The following CHID1 variants were observed in gnomAD, a reference collection of about 807,000 sequenced individuals.
CHID1 encodes chitinase domain-containing protein 1.
CHID1 carries 44 observed loss-of-function variants against 55.4 expected under a neutral mutation model. That is an observed-to-expected ratio of 0.79 (90% CI 0.62 to 1.02). The LOEUF is 1.02. CHID1 is among the 50% of genes least tolerant of loss of function. CHID1 has a pLI of 0.00. For synonymous variants in CHID1, 216 were observed against 212.9 expected (o/e 1.01, Z -0.13); for missense variants, 491 against 515.3 (o/e 0.95, Z 0.46).
intron 5 of CHID1, among the ~76,000 whole-genome samples, 186 bp from the exon 6 acceptor site, chr11:900,296 G>T (rs1175248115): frequency 6.6e-6 from 1 of 152,178 alleles, no homozygotes; most frequent in Non-Finnish European, 1.5e-5. Context: ...TCACAGGCTG[G>T]AGAGGGAGGG....
chr11:893,729 T>TGG (rs764902987), intron 7 of CHID1, among the ~76,000 whole-genome samples: 20 of 150,998 alleles, frequency 1.3e-4, no homozygotes, highest in Non-Finnish European at 2.7e-4. Context: ...CCCCCTAGAG[T>TGG]GGGGGCCTGT....
chr11:895,908 G>A (rs544229190), intron 7 of CHID1, among the ~76,000 whole-genome samples: 1 of 152,016 alleles, frequency 6.6e-6, no homozygotes, highest in African/African-American at 2.4e-5. Context: ...CCACCTTCCC[G>A]CAGCTCCCCA....
intron 10 of CHID1, 194 bp downstream of exon 10, chr11:882,954 G>T (rs891442107): frequency 3.4e-6 from 2 of 583,388 alleles, no homozygotes; most frequent in Non-Finnish European, 6.1e-6. Context: ...CCGTGTTATG[G>T]GTGGTGACCA....
intron 10 of CHID1, among the ~76,000 whole-genome samples, chr11:877,664 G>A (rs959131791): frequency 7.9e-5 from 12 of 152,220 alleles, no homozygotes; most frequent in African/African-American, 2.9e-4. Context: ...GGTGAAGTGT[G>A]TGATGTCTTG....
chr11:892,496 C>T lies in CHID1; in HGVS notation c.701+931G>A, dbSNP rs1400919653. 2.6e-5 allele frequency among the ~76,000 whole-genome samples: 4 copies of T among 152,234 alleles called. No individual in the cohort carries two copies. The East Asian group carries it at 7.7e-4, about 29-fold the overall frequency. On this transcript the variant is annotated intron_variant, in intron 8 of 12. Transcript: ENST00000323578. ...AGCCCCCAGGGCTCAGCTCTCAGCA[C>T]CTCTTCTGCTTTCCACTTTCCAGGG...
chr11:881,590 TCGGGCGG>T lies in CHID1; in HGVS notation c.959+1551_959+1557del, dbSNP rs1849932234. ...TTGGGTGGTGAGGGAAAGGACCACG[TCGGGCGG>T]TAGGTTGGGTGGTGAGGGAAAGGAC... On this transcript the variant is annotated intron_variant, in intron 10 of 12. Coordinates refer to ENST00000323578, the MANE Select transcript of CHID1 (RefSeq NM_023947.4). Among the ~76,000 whole-genome samples the T allele has an allele frequency of 9.3e-5, 2 of 21,508 alleles. 1 individual carries two copies. The highest frequency in any genetic ancestry group is 1.8e-4 in the Non-Finnish European group (2 of 11,054). 14.1% of individuals were successfully genotyped at this position (21,508 alleles called of 152,430 possible).
At chr11:876,954 G>A (rs2134132983) in intron 10 of CHID1, among the ~76,000 whole-genome samples, 1 of 152,274 alleles carries the variant, frequency 6.6e-6, no homozygotes, top group African/African-American at 2.4e-5. Flanking sequence ...CTGCATCCAG[G>A]CTGGAGCCTG....
rs544022036 is a variant in CHID1 at position 906,220 on chromosome 11, C to T, written c.-43-1361G>A. On this transcript the variant is annotated intron_variant, in intron 1 of 12. Transcript: ENST00000323578. ...AAAGTGCTGGGATTACAGGTGTGAG[C>T]CACTGCGCCCGGCTGTGGGACTTTT... Among the ~76,000 whole-genome samples the T allele has an allele frequency of 1.4e-3, 213 of 151,744 alleles. 1 individual carries two copies. Among genetic ancestry groups the T allele is most frequent in the Middle Eastern group, 3.5e-3 (1 of 288 alleles).
chr11:873,686 G>A (rs2134114905), intron 10 of CHID1, among the ~76,000 whole-genome samples: 1 of 152,296 alleles, frequency 6.6e-6, no homozygotes, highest in South Asian at 2.1e-4. Flanking sequence ...GAGACGGTGG[G>A]CTGGAGGTGG....
chr11:892,070 G>A (rs1850875562), intron 8 of CHID1, among the ~76,000 whole-genome samples: 1 of 151,964 alleles, frequency 6.6e-6, no homozygotes, highest in African/African-American at 2.4e-5. Context: ...AGATAAGATT[G>A]CACCACTGCA....
At chr11:894,738 C>T (rs1368947894) in intron 7 of CHID1, among the ~76,000 whole-genome samples, 1 of 152,174 alleles carries the variant, frequency 6.6e-6, no homozygotes, top group Non-Finnish European at 1.5e-5. Flanking sequence ...TCAGTGAGAA[C>T]CGGGTTAGGT....
At chr11:907,285 T>C (rs991895873) in intron 1 of CHID1, among the ~76,000 whole-genome samples, 3 of 152,096 alleles carry the variant, frequency 2.0e-5, no homozygotes, top group African/African-American at 7.2e-5. Context: ...ATCGAGACCA[T>C]CCTGGCTAAC....
At chr11:870,363 C>A in intron 11 of CHID1, 56 bp downstream of exon 11, 5 of 1,473,832 alleles carry the variant, frequency 3.4e-6, no homozygotes, top group Non-Finnish European at 4.7e-6. Flanking sequence ...TCTCCACCCC[C>A]AGGGCCCCTC....
Position 893,492 on chromosome 11 carries a change from C to A in CHID1, c.636G>T (p.Leu212Phe). The A allele has an allele frequency of 6.4e-7, 1 of 1,551,268 alleles. No homozygotes were observed. Among genetic ancestry groups the A allele is most frequent in the East Asian group, 2.4e-5 (1 of 41,222 alleles). The stretch of plus-strand genomic sequence containing the variant: ...GCCGGGCCTGGTGCAGAGCCTCGGC[C>A]AAGTGGGTGAGCATGTGGATGAGGC... ...RVGLIHMLTHLAEALHQARLL... is the reference protein window; with the variant it reads ...RVGLIHMLTHFAEALHQARLL... Residue 212 changes from leucine to phenylalanine, a missense_variant, in exon 8 of 13, where the codon TTG becomes TTT. Coordinates refer to ENST00000323578, the MANE Select transcript of CHID1 (RefSeq NM_023947.4).
chr11:870,665 C>T (rs577550266), intron 10 of CHID1, 166 bp from the exon 11 acceptor site: 11 of 602,804 alleles, frequency 1.8e-5, no homozygotes, highest in African/African-American at 1.1e-4. Flanking sequence ...AGCCCCAGGC[C>T]GTGTGAACCC....
chr11:902,906 G>T, intron 3 of CHID1, 56 bp downstream of exon 3: 1 of 1,564,224 alleles, frequency 6.4e-7, no homozygotes. Context: ...CACGGGGCCA[G>T]GGCAGCCCAC....
Position 902,315 on chromosome 11 carries a change from A to T in CHID1, c.277T>A (p.Tyr93Asn). 1 of 1,612,528 alleles carries T rather than the reference A, an allele frequency of 6.2e-7. No homozygotes were observed. Among genetic ancestry groups the T allele is most frequent in the South Asian group, 1.1e-5 (1 of 91,058 alleles). The change falls in exon 4 of 13, where the codon TAC becomes AAC. Residue 93 changes from tyrosine to asparagine, a missense_variant. Physicochemically the swap from Tyr to Asn is moderately radical, Grantham distance 143. Transcript: ENST00000323578. ...CTCCCAAAGACCTTGGTGACATCGT[A>T]GCCATGGCTGTTCCACTGGCAAAAG... ...GYVTPWNSHG[Y>N]DVTKVFGSKF...
At chr11:894,962 A>G (rs1220182286) in intron 7 of CHID1, among the ~76,000 whole-genome samples, 1 of 152,206 alleles carries the variant, frequency 6.6e-6, no homozygotes, top group Non-Finnish European at 1.5e-5. Context: ...GCCGGCTGCA[A>G]TGCAGGTACA....
intron 7 of CHID1, among the ~76,000 whole-genome samples, chr11:895,110 C>G (rs1851164592): frequency 6.6e-6 from 1 of 152,154 alleles, no homozygotes; most frequent in African/African-American, 2.4e-5. Flanking sequence ...GCTGCCCCCG[C>G]CCCTGAAACA....
Sources: gnomAD v4.1 joint callset for allele counts (sites outside exome capture counted in the v4.1 genomes callset) on GRCh38, gnomAD v4.1.1 for gene constraint, MANE v1.5 for transcripts, NCBI Gene and HGNC (gene_info 2026-07-23, HGNC 2026-07-21) for gene names.